BRINP3: variants seen among roughly 807,000 people sequenced by gnomAD.
The protein encoded by BRINP3 is BMP/retinoic acid inducible neural specific 3, also known as BMP/retinoic acid-inducible neural-specific protein 3.
A neutral mutation model predicts 71.0 loss-of-function variants in BRINP3; 19 were observed. The observed-to-expected ratio is 0.27, with a 90% CI of 0.19 to 0.39. The LOEUF (loss-of-function observed/expected upper bound fraction) is 0.39, where lower values mean the gene tolerates loss of function less well. BRINP3 is among the 10% of genes least tolerant of loss of function. BRINP3 has a pLI of 1.00. For synonymous variants in BRINP3, 380 were observed against 337.7 expected (o/e 1.13, Z -1.37); for missense variants, 959 against 940.8 (o/e 1.02, Z -0.25).
chr1:190,334,850 A>C (rs1667187367), intron 2 of BRINP3, among the ~76,000 whole-genome samples: 1 of 151,708 alleles, frequency 6.6e-6, no homozygotes, highest in Non-Finnish European at 1.5e-5. Context: ...TCAGATAGAA[A>C]ATTTCTTAAG....
At chr1:190,463,302 A>T (rs566035562) in intron 1 of BRINP3, among the ~76,000 whole-genome samples, 1 of 151,860 alleles carries the variant, frequency 6.6e-6, no homozygotes, top group East Asian at 1.9e-4. Flanking sequence ...AAATGCAATC[A>T]TACAATTTTA....
chr1:190,387,777 T>A (rs1004796428), intron 2 of BRINP3, among the ~76,000 whole-genome samples: 1 of 151,902 alleles, frequency 6.6e-6, no homozygotes, highest in Admixed American at 6.6e-5. Flanking sequence ...GATGACCTCC[T>A]CCAGCTTCGT....
intron 2 of BRINP3, among the ~76,000 whole-genome samples, chr1:190,400,700 G>A (rs529522538): frequency 1.3e-5 from 2 of 152,118 alleles, no homozygotes; most frequent in East Asian, 3.9e-4. Context: ...CACTAATTTT[G>A]TTCATTTGTC....
intron 4 of BRINP3, among the ~76,000 whole-genome samples, chr1:190,244,185 G>A (rs1207367121): frequency 6.6e-6 from 1 of 152,004 alleles, no homozygotes; most frequent in Non-Finnish European, 1.5e-5. Context: ...CATGAAACCA[G>A]TTCCTGGTGC....
intron 4 of BRINP3, among the ~76,000 whole-genome samples, chr1:190,257,732 A>T (rs757841207): frequency 1.7e-4 from 26 of 152,180 alleles, no homozygotes; most frequent in Non-Finnish European, 2.9e-4. Context: ...TAACAGTCAG[A>T]TCCCTCAGCT....
intron 2 of BRINP3, among the ~76,000 whole-genome samples, chr1:190,291,267 A>G (rs979697224): frequency 2.6e-5 from 4 of 152,074 alleles, no homozygotes; most frequent in African/African-American, 9.7e-5. Flanking sequence ...GTGATATAGT[A>G]TAGTCCAAAC....
chr1:190,416,054 C>T (rs183862713), intron 2 of BRINP3, among the ~76,000 whole-genome samples: 1 of 152,150 alleles, frequency 6.6e-6, no homozygotes, highest in Non-Finnish European at 1.5e-5. Context: ...ATTTTGGTCC[C>T]CCTTGAATGC....
At position 190,454,641 on chromosome 1, in the gene BRINP3, C is replaced by T; in HGVS notation, c.236+14G>A. The T allele has an allele frequency of 1.2e-6, 2 of 1,602,660 alleles. No homozygotes were observed. Among genetic ancestry groups the T allele is most frequent in the Non-Finnish European group, 1.7e-6 (2 of 1,170,840 alleles). Reference sequence around the variant, plus strand: ...GGATGATATTTCTGTAATTGCTTTCCCTTTGCTTCATACCTGTATATCTTG... The same window carrying T: ...GGATGATATTTCTGTAATTGCTTTCTCTTTGCTTCATACCTGTATATCTTG... On this transcript the variant is annotated intron_variant, in intron 2 of 7. Coordinates refer to ENST00000367462, the MANE Select transcript of BRINP3 (RefSeq NM_199051.3).
At chr1:190,346,116 G>A (rs1668008997) in intron 2 of BRINP3, among the ~76,000 whole-genome samples, 1 of 151,848 alleles carries the variant, frequency 6.6e-6, no homozygotes, top group Non-Finnish European at 1.5e-5. Flanking sequence ...TGTTTGCAAA[G>A]GCAAGTACAG....
chr1:190,204,523 T>C lies in BRINP3; in HGVS notation c.961+21559A>G, dbSNP rs549432407. Among the ~76,000 whole-genome samples the C allele has an allele frequency of 7.2e-5, 11 of 151,930 alleles. No homozygotes were observed. The East Asian group carries it at 1.9e-3, about 27-fold the overall frequency. ...TGAGTGGATGGAAACCTAGGAGATATATATTGGTAGCAATTAAGAAAAAAA... is the reference window on the plus strand; with the variant it reads ...TGAGTGGATGGAAACCTAGGAGATACATATTGGTAGCAATTAAGAAAAAAA... On this transcript the variant is annotated intron_variant, in intron 6 of 7. Coordinates refer to ENST00000367462, the MANE Select transcript of BRINP3 (RefSeq NM_199051.3).
rs575004294 is a variant in BRINP3, at chr1:190,161,467, C to T, written c.962-577G>A. Among the ~76,000 whole-genome samples, 16 of 151,724 alleles carry T rather than the reference C, an allele frequency of 1.1e-4. 1 individual carries two copies. The South Asian group carries it at 3.3e-3, about 32-fold the overall frequency. ...ATTATAACCGATCTTATTTTTAACC[C>T]TCTTTGTAACTGACTATATTCTAAT... On this transcript the variant is annotated intron_variant, in intron 6 of 7. Coordinates refer to ENST00000367462, the MANE Select transcript of BRINP3 (RefSeq NM_199051.3).
At chr1:190,324,306 G>T (rs1471514513) in intron 2 of BRINP3, among the ~76,000 whole-genome samples, 1 of 151,808 alleles carries the variant, frequency 6.6e-6, no homozygotes, top group South Asian at 2.1e-4. Flanking sequence ...CCAAAATTAT[G>T]TTCCATCATA....
intron 2 of BRINP3, among the ~76,000 whole-genome samples, chr1:190,392,422 C>T (rs1264079215): frequency 2.6e-5 from 4 of 151,404 alleles, no homozygotes; most frequent in African/African-American, 9.7e-5. Context: ...AGAAAAAACC[C>T]TGAGAGTAAG....
At chr1:190,118,825 T>A (rs1290478178) in intron 7 of BRINP3, among the ~76,000 whole-genome samples, 1 of 152,186 alleles carries the variant, frequency 6.6e-6, no homozygotes, top group Admixed American at 6.5e-5. Flanking sequence ...AGACTTTTTG[T>A]TTTTCAATAG....
intron 2 of BRINP3, among the ~76,000 whole-genome samples, chr1:190,298,805 A>ATATATTGACT (rs1340505576): frequency 2.0e-5 from 3 of 152,100 alleles, no homozygotes. Context: ...TTCTATATAT[A>ATATATTGACT]TATATTGACT....
intron 7 of BRINP3, among the ~76,000 whole-genome samples, chr1:190,108,932 C>A (rs1414412429): frequency 2.6e-5 from 4 of 151,880 alleles, no homozygotes; most frequent in African/African-American, 9.7e-5. Context: ...TATCAGCTGG[C>A]AGGAAGATAG....
At chr1:190,185,795 A>G (rs1273926705) in intron 6 of BRINP3, among the ~76,000 whole-genome samples, 1 of 152,204 alleles carries the variant, frequency 6.6e-6, no homozygotes, top group Non-Finnish European at 1.5e-5. Flanking sequence ...GTACAACGAT[A>G]AAATAATTAT....
At chr1:190,455,583 G>A (rs1675932335) in intron 1 of BRINP3, among the ~76,000 whole-genome samples, 1 of 152,054 alleles carries the variant, frequency 6.6e-6, no homozygotes, top group African/African-American at 2.4e-5. Flanking sequence ...GAGAGTGGAT[G>A]TGAGGAGTAA....
chr1:190,462,865 G>T lies in BRINP3; in HGVS notation c.-50-7925C>A, dbSNP rs147129589. Among the ~76,000 whole-genome samples, 367 of 152,100 alleles carry T rather than the reference G, an allele frequency of 2.4e-3. 1 individual carries two copies. Among genetic ancestry groups the T allele is most frequent in the Middle Eastern group, 0.011 (3 of 284 alleles). ...GCATAAAATAAAAATTCAAATGAAA[G>T]AATACTATTATCTCAAGCTATTAAA... On this transcript the variant is annotated intron_variant, in intron 1 of 7. Coordinates refer to ENST00000367462, the MANE Select transcript of BRINP3 (RefSeq NM_199051.3).
Sources: gnomAD v4.1 joint callset for allele counts (sites outside exome capture counted in the v4.1 genomes callset) on GRCh38, gnomAD v4.1.1 for gene constraint, MANE v1.5 for transcripts, NCBI Gene and HGNC (gene_info 2026-07-23, HGNC 2026-07-21) for gene names.